Variants in APC2 observed in about 807,000 individuals in gnomAD.
APC2 encodes APC regulator of Wnt signaling pathway 2.
In APC2, 41 loss-of-function variants were observed where a neutral mutation model predicts 72.5. That is an observed-to-expected ratio of 0.57 (90% CI 0.44 to 0.73). The LOEUF (loss-of-function observed/expected upper bound fraction) is 0.73, where lower values mean the gene tolerates loss of function less well. Among genes scored for constraint, APC2 ranks in the 30% least tolerant of loss-of-function variants. APC2 has a pLI of 0.00. For synonymous variants in APC2, 1,898 were observed against 1,612.0 expected (o/e 1.18, Z -4.25); for missense variants, 3,729 against 3,403.4 (o/e 1.10, Z -2.38).
In APC2 at chr19:1,455,229, G is replaced by T; in HGVS notation, c.494G>T (p.Arg165Leu). The T allele has an allele frequency of 1.3e-6, 2 of 1,579,638 alleles. No individual in the cohort carries two copies. Among genetic ancestry groups the T allele is most frequent in the Non-Finnish European group, 1.7e-6 (2 of 1,168,648 alleles). The stretch of plus-strand genomic sequence containing the variant: ...TCTCAGCTGCAGGGCCTGTCCAAGC[G>T]CCTGGACGAGCTGCCGCACGTGGAG... ...YYSQLQGLSK[R>L]LDELPHVETQ... The change falls in exon 5 of 15, where the codon CGC becomes CTC. Residue 165 changes from arginine to leucine, a missense_variant. Coordinates refer to ENST00000590469, the MANE Select transcript of APC2 (RefSeq NM_005883.3).
chr19:1,459,704 C>A (rs1013931584), intron 10 of APC2, among the ~76,000 whole-genome samples: 9 of 152,190 alleles, frequency 5.9e-5, no homozygotes, highest in African/African-American at 2.2e-4. Flanking sequence ...CCGTTGATTT[C>A]CCCCTTTTGT....
At chr19:1,456,495 A>C in intron 8 of APC2, 91 bp downstream of exon 8, 1 of 1,304,342 alleles carries the variant, frequency 7.7e-7, no homozygotes. Flanking sequence ...GTGCCCTCCC[A>C]TGCCTCCATC....
At position 1,452,136 on chromosome 19, in the gene APC2, GGA is replaced by G. The variant is rs1165849209; in HGVS notation, c.-18-846_-18-845del. On this transcript the variant is annotated intron_variant, in intron 1 of 14. Coordinates refer to ENST00000590469, the MANE Select transcript of APC2 (RefSeq NM_005883.3). This position sits in a 1 kb window ranked among gnomAD's most constrained non-coding sequence, Gnocchi z 5.1. ...GGGGGCGTGAAGGGGGGCTCCGGCG[GGA>G]GGGCCGAGCCGAGGGAGGAGGCGCC... is the stretch of plus-strand genomic sequence containing the variant. 6.5e-6 allele frequency: 1 copy of G among 153,058 alleles called. No individual in the cohort carries two copies. Among genetic ancestry groups the G allele is most frequent in the African/African-American group, 2.4e-5 (1 of 41,402 alleles). The allele number at this position is 153,058 out of a possible 1,614,324, so 9.5% of individuals were successfully genotyped here.
In APC2 at chr19:1,472,163, C is replaced by G. The variant is rs1449083784; in HGVS notation, c.*1950C>G. The G allele has an allele frequency of 6.6e-6, 1 of 152,266 alleles. No individual in the cohort carries two copies. The highest frequency in any genetic ancestry group is 2.4e-5 in the African/African-American group (1 of 41,460). 9.4% of individuals were successfully genotyped at this position (152,266 alleles called of 1,614,324 possible). Reference sequence around the variant, plus strand: ...CCCCCTTTCAGGACACAGCGGGGGTCTCACACTTGCTGTCCCCATCCATGG... The same window carrying G: ...CCCCCTTTCAGGACACAGCGGGGGTGTCACACTTGCTGTCCCCATCCATGG... On this transcript the variant is annotated 3_prime_UTR_variant, in exon 15 of 15. Coordinates refer to ENST00000590469, the MANE Select transcript of APC2 (RefSeq NM_005883.3).
Position 1,468,169 on chromosome 19 carries a change from G to C in APC2, c.4868G>C (p.Arg1623Pro), listed in dbSNP as rs968150112. The change falls in exon 15 of 15, where the codon CGG becomes CCG. Residue 1623 changes from arginine to proline, a missense_variant. Transcript: ENST00000590469. ...GGGRDSSPSP[R>P]AAEELLQRCI... is the part of the protein sequence containing the mutation. Reference sequence around the variant, plus strand: ...GGACGCGACAGCTCGCCCAGCCCGCGGGCCGCGGAGGAGCTTCTGCAGCGG... The same window carrying C: ...GGACGCGACAGCTCGCCCAGCCCGCCGGCCGCGGAGGAGCTTCTGCAGCGG... The C allele has an allele frequency of 1.4e-6, 2 of 1,452,258 alleles. No homozygotes were observed. The highest frequency in any genetic ancestry group is 2.3e-4 in the Middle Eastern group (1 of 4,256). The allele number at this position is 1,452,258 out of a possible 1,614,324, so 90.0% of individuals were successfully genotyped here.
rs566955220 is a variant in APC2 at position 1,466,240 on chromosome 19, C to T, written c.2939C>T (p.Ala980Val). The change falls in exon 15 of 15, where the codon GCC (alanine) becomes GTC (valine). Residue 980 changes from alanine to valine, a missense_variant. Transcript: ENST00000590469. ...DLPGCQAEPP[A>V]REATSADARV... ...CCCGGCTGCCAGGCCGAGCCCCCGGCCCGCGAGGCCACCTCCGCCGACGCC... is the reference window on the plus strand; with the variant it reads ...CCCGGCTGCCAGGCCGAGCCCCCGGTCCGCGAGGCCACCTCCGCCGACGCC... The T allele has an allele frequency of 2.6e-6, 4 of 1,535,162 alleles. No individual in the cohort carries two copies. The highest frequency in any genetic ancestry group is 2.8e-5 in the African/African-American group (2 of 72,614).
chr19:1,463,681 T>C (rs1360544536), intron 14 of APC2, among the ~76,000 whole-genome samples: 1 of 151,282 alleles, frequency 6.6e-6, no homozygotes, highest in Non-Finnish European at 1.5e-5. Flanking sequence ...CAATAGGAGG[T>C]TGAGGCTGCA....
At chr19:1,463,882 A>G (rs2083964941) in intron 14 of APC2, among the ~76,000 whole-genome samples, 1 of 152,224 alleles carries the variant, frequency 6.6e-6, no homozygotes, top group Non-Finnish European at 1.5e-5. Flanking sequence ...TATACTAAAA[A>G]TTAACTTATT....
rs2145255807 is a variant in APC2 at position 1,468,880 on chromosome 19, G to A, written c.5579G>A (p.Arg1860Lys). The A allele has an allele frequency of 6.5e-7, 1 of 1,538,238 alleles. No homozygotes were observed. The highest frequency in any genetic ancestry group is 8.7e-7 in the Non-Finnish European group (1 of 1,149,968). The change falls in exon 15 of 15, where the codon AGA becomes AAA. Residue 1860 changes from arginine (R) to lysine (K), a missense_variant. Coordinates refer to ENST00000590469, the MANE Select transcript of APC2 (RefSeq NM_005883.3). ...CTGGCGACGCTGAGCCAGCCCCCCAGAAGCGCCACACCGCCCGCCCGCCTC... is the reference window on the plus strand; with the variant it reads ...CTGGCGACGCTGAGCCAGCCCCCCAAAAGCGCCACACCGCCCGCCCGCCTC... ...SELATLSQPP[R>K]SATPPARLAK...
At chr19:1,448,750 A>G (rs1052301514), upstream of APC2, among the ~76,000 whole-genome samples, 7 of 151,212 alleles carry the variant, frequency 4.6e-5, no homozygotes, top group Admixed American at 4.6e-4. Context: ...AGGCTGAGGC[A>G]GGAGAATGGC....
At position 1,461,954 on chromosome 19, in the gene APC2, C is replaced by G. The variant is rs1242892807; in HGVS notation, c.1639-9C>G. 2.5e-6 allele frequency: 4 copies of G among 1,600,502 alleles called. No homozygotes were observed. The highest frequency in any genetic ancestry group is 3.4e-6 in the Non-Finnish European group (4 of 1,170,132). On this transcript the variant is annotated splice_polypyrimidine_tract_variant and intron_variant, in intron 13 of 14. Transcript: ENST00000590469. ...GCCCTGACCCGCCCCTCTCCCGCCCCTCGTCCAGGAGTCCACCCTGAAGAG... is the reference window on the plus strand; with the variant it reads ...GCCCTGACCCGCCCCTCTCCCGCCCGTCGTCCAGGAGTCCACCCTGAAGAG...
In APC2 at chr19:1,465,147, G is replaced by A. The variant is rs765896075; in HGVS notation, c.1854-8G>A. The stretch of plus-strand genomic sequence containing the variant: ...GGTGGCCCAGGCTAACCCGCCCTGT[G>A]CCTACAGGCAGGTGCTCCGGGATCA... On this transcript the variant is annotated splice_region_variant and splice_polypyrimidine_tract_variant and intron_variant, in intron 14 of 14. Coordinates refer to ENST00000590469, the MANE Select transcript of APC2 (RefSeq NM_005883.3). The A allele has an allele frequency of 1.3e-6, 2 of 1,593,448 alleles. No individual in the cohort carries two copies. The highest frequency in any genetic ancestry group is 1.1e-5 in the South Asian group (1 of 88,178).
rs1031653232 is a variant in APC2, at chr19:1,450,325, C to T, written c.-32C>T. 2.0e-6 allele frequency: 2 copies of T among 985,412 alleles called. No individual in the cohort carries two copies. Among genetic ancestry groups the T allele is most frequent in the Non-Finnish European group, 1.2e-6 (1 of 829,986 alleles). The allele number at this position is 985,412 out of a possible 1,614,324, so 61.0% of individuals were successfully genotyped here. On this transcript the variant is annotated 5_prime_UTR_variant, in exon 1 of 15. Transcript: ENST00000590469. Reference sequence around the variant, plus strand: ...AGACCCAGGCGCCCCGCCAGCCCAGCTGCACGTAAGCGGGTGTGTGTCCTC... The same window carrying T: ...AGACCCAGGCGCCCCGCCAGCCCAGTTGCACGTAAGCGGGTGTGTGTCCTC...
chr19:1,457,676 C>T (rs1299276218), intron 9 of APC2: 1 of 534,642 alleles, frequency 1.9e-6, no homozygotes, highest in African/African-American at 1.9e-5. Context: ...CCAGTCTGGA[C>T]AACAGAGCGA....
rs1203219708 is a variant in APC2, at chr19:1,466,356, C to T, written c.3055C>T (p.Pro1019Ser). The change falls in exon 15 of 15, where the codon CCT (proline) becomes TCT (serine). Residue 1019 changes from proline to serine, a missense_variant. Transcript: ENST00000590469. ...SRAGAEPLAGPGISPGARKQA... is the reference protein window; with the variant it reads ...SRAGAEPLAGSGISPGARKQA... ...GGCGGGTGCAGAGCCCCTCGCGGGG[C>T]CTGGAATCTCTCCAGGGGCCCGGAA... 1.9e-6 allele frequency: 3 copies of T among 1,567,340 alleles called. No individual in the cohort carries two copies. In the African/African-American group the frequency reaches 4.1e-5, roughly 21 times the overall value.
chr19:1,453,531 C>T lies in APC2; in HGVS notation c.333C>T (p.His111=), dbSNP rs375932325. The change falls in exon 4 of 15, where the codon CAC becomes CAT. Residue 111 remains histidine, a synonymous_variant. Coordinates refer to ENST00000590469, the MANE Select transcript of APC2 (RefSeq NM_005883.3). ...GGACCCCCGAGGGCAGCCCAGTACACGGCTCCGGGCCCTCCAAGGACAGCT... is the reference window on the plus strand; with the variant it reads ...GGACCCCCGAGGGCAGCCCAGTACATGGCTCCGGGCCCTCCAAGGACAGCT... ...AARTPEGSPV[H]GSGPSKDSFG... 5.3e-5 allele frequency: 85 copies of T among 1,611,384 alleles called. No individual in the cohort carries two copies. In the Middle Eastern group the frequency reaches 8.2e-4, roughly 16 times the overall value.
chr19:1,455,004 T>A (rs2145188672), intron 4 of APC2, 145 bp from the exon 5 acceptor site: 12 of 135,556 alleles, frequency 8.9e-5, no homozygotes, highest in East Asian at 7.6e-4. Flanking sequence ...CCCCTTACCC[T>A]AGCTCGGGGA....
intron 8 of APC2, 137 bp from the exon 9 acceptor site, chr19:1,456,716 A>G (rs985675958): frequency 9.5e-6 from 11 of 1,156,182 alleles, no homozygotes; most frequent in East Asian, 2.6e-5. Context: ...GCAGCCTCCT[A>G]GCGTCCCCTC....
At chr19:1,458,098 C>T (rs1324798187) in intron 10 of APC2, 38 bp downstream of exon 10, 2 of 1,530,524 alleles carry the variant, frequency 1.3e-6, no homozygotes, top group Non-Finnish European at 1.8e-6. Flanking sequence ...CATCCTCCAG[C>T]CCCCGAACAG....
Sources: gnomAD v4.1 joint callset for allele counts (sites outside exome capture counted in the v4.1 genomes callset) on GRCh38, gnomAD v4.1.1 for gene constraint, Gnocchi (gnomAD v3.1) non-coding constraint, MANE v1.5 for transcripts, NCBI Gene and HGNC (gene_info 2026-07-23, HGNC 2026-07-21) for gene names.